ARHGEF18: variants seen among roughly 807,000 people sequenced by gnomAD.
ARHGEF18 encodes the protein rho guanine nucleotide exchange factor 18.
Under a neutral mutation model 155.7 loss-of-function variants are expected in ARHGEF18, and 93 were observed. The observed-to-expected ratio is 0.60, with a 90% CI of 0.50 to 0.71. The LOEUF is 0.71. Among genes scored for constraint, ARHGEF18 ranks in the 30% least tolerant of loss-of-function variants. The pLI is 0.00. For missense variants in ARHGEF18, 1,593 were observed against 1,816.1 expected (o/e 0.88, Z 2.23); for synonymous variants, 742 against 753.1 (o/e 0.99, Z 0.24).
In ARHGEF18 at chr19:7,380,998, A is replaced by C. The variant is rs1396450117; in HGVS notation, c.722+4A>C. The C allele has an allele frequency of 3.2e-6, 4 of 1,232,034 alleles. No homozygotes were observed. Among genetic ancestry groups the C allele is most frequent in the Non-Finnish European group, 4.0e-6 (4 of 988,006 alleles). 76.3% of individuals were successfully genotyped at this position (1,232,034 alleles called of 1,614,324 possible). ...CCTGGTTTGAATTCCTGTCGGAGTA[A>C]GTACACAGATCTGCTTCTGGGGAGG... On this transcript the variant is annotated splice_donor_region_variant and intron_variant, in intron 8 of 28. Transcript: ENST00000668164.
In ARHGEF18 at chr19:7,466,804, C is replaced by CAAAAAAAAAA. The variant is rs965666634; in HGVS notation, c.2905-101_2905-92dup. The CAAAAAAAAAA allele has an allele frequency of 2.5e-4, 125 of 495,968 alleles. 1 individual carries two copies. The African/African-American group carries it at 4.6e-3, about 18-fold the overall frequency. The allele number at this position is 495,968 out of a possible 1,614,324, so 30.7% of individuals were successfully genotyped here. On this transcript the variant is annotated intron_variant, in intron 23 of 28. Transcript: ENST00000668164. ...GGGCAACAAGAGCAGAATTCCGTCT[C>CAAAAAAAAAA]AAAAAAAAAAAAAAAAAAAAAAGTT...
At chr19:7,434,480 G>A (rs1319629860) in intron 10 of ARHGEF18, among the ~76,000 whole-genome samples, 2 of 152,136 alleles carry the variant, frequency 1.3e-5, no homozygotes, top group Non-Finnish European at 2.9e-5. Flanking sequence ...AGAGCTCTGC[G>A]GCATACAGTG....
At chr19:7,410,755 A>G (rs1041201106) in intron 10 of ARHGEF18, among the ~76,000 whole-genome samples, 1 of 133,302 alleles carries the variant, frequency 7.5e-6, no homozygotes, top group Non-Finnish European at 1.6e-5. Flanking sequence ...GGTTGCAGTG[A>G]TCTGAGATTG....
chr19:7,472,780 A>G (rs965944825), downstream of ARHGEF18: 19 of 351,724 alleles, frequency 5.4e-5, no homozygotes, highest in East Asian at 3.0e-4. Context: ...GCTCACTGCA[A>G]CCTCTGCCTC....
chr19:7,394,099 G>T (rs1971545836), intron 10 of ARHGEF18, among the ~76,000 whole-genome samples: 1 of 151,306 alleles, frequency 6.6e-6, no homozygotes, highest in Admixed American at 6.6e-5. Flanking sequence ...GCTCACTGCA[G>T]CCTGGACCTC....
At chr19:7,453,192 G>T (rs989101660) in intron 16 of ARHGEF18, among the ~76,000 whole-genome samples, 1 of 151,550 alleles carries the variant, frequency 6.6e-6, no homozygotes, top group African/African-American at 2.4e-5. Context: ...GCCAGACTCC[G>T]TCCACCCTAC....
chr19:7,385,156 T>A (rs919491321), intron 10 of ARHGEF18, among the ~76,000 whole-genome samples: 10 of 152,198 alleles, frequency 6.6e-5, no homozygotes, highest in Non-Finnish European at 1.5e-5. Flanking sequence ...GATAGAAGGT[T>A]GGAAGTTGGA....
At chr19:7,351,869 A>G (rs149438046) in intron 1 of ARHGEF18, among the ~76,000 whole-genome samples, 14 of 151,826 alleles carry the variant, frequency 9.2e-5, no homozygotes, top group African/African-American at 3.1e-4. Context: ...TAATTTTAGT[A>G]GTTTTAGTAG....
intron 19 of ARHGEF18, 106 bp from the exon 20 acceptor site, chr19:7,459,797 C>A: frequency 1.1e-6 from 1 of 943,516 alleles, no homozygotes; most frequent in Non-Finnish European, 1.6e-6. Context: ...TAAATCACTC[C>A]CAAAGTCAGA....
intron 10 of ARHGEF18, among the ~76,000 whole-genome samples, chr19:7,389,451 C>T (rs921598007): frequency 1.3e-5 from 2 of 150,648 alleles, no homozygotes; most frequent in Admixed American, 1.3e-4. Flanking sequence ...TGAGCCACTG[C>T]ATCCACCCTA....
At chr19:7,369,447 G>C (rs1252330801) in intron 2 of ARHGEF18, among the ~76,000 whole-genome samples, 1 of 150,234 alleles carries the variant, frequency 6.7e-6, no homozygotes, top group Non-Finnish European at 1.5e-5. Context: ...GGCAACAAGA[G>C]TGAAACTCCG....
At chr19:7,364,732 T>C (rs1329231582) in intron 2 of ARHGEF18, among the ~76,000 whole-genome samples, 1 of 151,858 alleles carries the variant, frequency 6.6e-6, no homozygotes, top group Non-Finnish European at 1.5e-5. Flanking sequence ...TCAGGGAAGG[T>C]CTCCTGGGGT....
intron 10 of ARHGEF18, among the ~76,000 whole-genome samples, chr19:7,412,973 T>C (rs1157090094): frequency 6.6e-6 from 1 of 152,092 alleles, no homozygotes; most frequent in African/African-American, 2.4e-5. Context: ...ACTAGTTGCA[T>C]CTGACACTAT....
At chr19:7,476,970 C>T (rs1486713392), downstream of ARHGEF18, 2 of 413,118 alleles carry the variant, frequency 4.8e-6, no homozygotes, top group Admixed American at 4.2e-5. Context: ...AAGACGCCAG[C>T]TGGCAGGCAG....
chr19:7,437,643 T>TTTTTTCTTTC (rs1974345341), intron 10 of ARHGEF18, among the ~76,000 whole-genome samples: 1 of 151,412 alleles, frequency 6.6e-6, no homozygotes, highest in African/African-American at 2.4e-5. Flanking sequence ...AGATTTCTTT[T>TTTTTTCTTTC]TTTTTTCTTT....
intron 15 of ARHGEF18, among the ~76,000 whole-genome samples, chr19:7,448,447 G>C (rs1975140068): frequency 6.6e-6 from 1 of 152,170 alleles, no homozygotes; most frequent in African/African-American, 2.4e-5. Flanking sequence ...GGATCACGAG[G>C]TCAGGAGATC....
chr19:7,447,670 T>C (rs926795864), intron 15 of ARHGEF18, among the ~76,000 whole-genome samples: 16 of 152,088 alleles, frequency 1.1e-4, no homozygotes, highest in African/African-American at 3.9e-4. Flanking sequence ...TCAGAACACG[T>C]CAGTGAAATC....
At chr19:7,443,751 C>CT (rs1974818486) in intron 13 of ARHGEF18, among the ~76,000 whole-genome samples, 1 of 152,014 alleles carries the variant, frequency 6.6e-6, no homozygotes, top group East Asian at 1.9e-4. Context: ...CTAAAACAGA[C>CT]TTGATAGCCA....
chr19:7,438,617 G>A (rs1379076788), intron 10 of ARHGEF18, among the ~76,000 whole-genome samples: 3 of 151,502 alleles, frequency 2.0e-5, no homozygotes, highest in African/African-American at 7.3e-5. Flanking sequence ...CTCCATGTTG[G>A]CTAGGCTAGT....
Sources: gnomAD v4.1 joint callset for allele counts (sites outside exome capture counted in the v4.1 genomes callset) on GRCh38, gnomAD v4.1.1 for gene constraint, MANE v1.5 for transcripts, NCBI Gene and HGNC (gene_info 2026-07-23, HGNC 2026-07-21) for gene names.